The following THSD7B variants were observed in gnomAD, a reference collection of about 807,000 sequenced individuals.
THSD7B encodes the protein thrombospondin type-1 domain-containing protein 7B.
Under a neutral mutation model 213.6 loss-of-function variants are expected in THSD7B, and 138 were observed. The ratio of observed to expected loss-of-function variants is 0.65; its 90% CI spans 0.56 to 0.74. THSD7B has a LOEUF of 0.74. Ranked by LOEUF, THSD7B falls within the 30% of genes least tolerant of loss-of-function variation. The pLI is 0.00. For missense variants in THSD7B, 1,931 were observed against 1,991.5 expected (o/e 0.97, Z 0.58); for synonymous variants, 742 against 687.0 (o/e 1.08, Z -1.25).
In THSD7B at chr2:137,119,941, T is replaced by A. The variant is rs56145882; in HGVS notation, c.1369+4648T>A. Among the ~76,000 whole-genome samples the A allele has an allele frequency of 4.2e-3, 642 of 152,296 alleles. 3 individuals carry two copies. The highest frequency in any genetic ancestry group is 0.015 in the African/African-American group (616 of 41,576). Reference sequence around the variant, plus strand: ...ATCATTTGAAAGACTGGAAATATCTTTCACCTGTCTTTAGAAATTGGTTTT... The same window carrying A: ...ATCATTTGAAAGACTGGAAATATCTATCACCTGTCTTTAGAAATTGGTTTT... On this transcript the variant is annotated intron_variant, in intron 5 of 27. Transcript: ENST00000409968.
intron 12 of THSD7B, among the ~76,000 whole-genome samples, chr2:137,280,672 C>T (rs537940251): frequency 6.6e-6 from 1 of 152,250 alleles, no homozygotes; most frequent in South Asian, 2.1e-4. Flanking sequence ...CGTGTTCTTT[C>T]TGCCCAGAGT....
At chr2:136,963,308 T>C (rs1380282119) in intron 2 of THSD7B, among the ~76,000 whole-genome samples, 1 of 152,016 alleles carries the variant, frequency 6.6e-6, no homozygotes, top group Non-Finnish European at 1.5e-5. Flanking sequence ...AAGGCTCATT[T>C]TTTTCTCATA....
chr2:136,877,627 A>G (rs1368485821), intron 1 of THSD7B, among the ~76,000 whole-genome samples: 1 of 152,166 alleles, frequency 6.6e-6, no homozygotes, highest in African/African-American at 2.4e-5. Context: ...GACTCCTTGT[A>G]GAATAATTTT....
At position 137,617,812 on chromosome 2, in the gene THSD7B, G is replaced by C. The variant is rs186930409; in HGVS notation, c.3566-580G>C. On this transcript the variant is annotated intron_variant, in intron 18 of 27. Coordinates refer to ENST00000409968, the MANE Select transcript of THSD7B (RefSeq NM_001316349.2). Reference sequence around the variant, plus strand: ...AGGAGGGCCTGTATCTCTAGACAGTGCCTTCTAGCTACATCCTCAGAGGAT... The same window carrying C: ...AGGAGGGCCTGTATCTCTAGACAGTCCCTTCTAGCTACATCCTCAGAGGAT... 8.9e-4 allele frequency among the ~76,000 whole-genome samples: 136 copies of C among 152,168 alleles called. 3 individuals carry two copies. The highest frequency in any genetic ancestry group is 3.4e-3 in the Middle Eastern group (1 of 294).
chr2:137,366,784 A>T (rs1685418386), intron 12 of THSD7B, among the ~76,000 whole-genome samples: 1 of 152,184 alleles, frequency 6.6e-6, no homozygotes, highest in East Asian at 1.9e-4. Context: ...TAGACATTTT[A>T]GTAGATTCAC....
chr2:137,566,535 T>G (rs1443582732), intron 16 of THSD7B, among the ~76,000 whole-genome samples: 1 of 152,212 alleles, frequency 6.6e-6, no homozygotes, highest in East Asian at 1.9e-4. Flanking sequence ...GCCAGGGACT[T>G]GACCTGATTA....
chr2:137,505,929 C>A (rs1679824090), intron 15 of THSD7B, among the ~76,000 whole-genome samples: 1 of 152,122 alleles, frequency 6.6e-6, no homozygotes, highest in Non-Finnish European at 1.5e-5. Flanking sequence ...GGCATAGTGG[C>A]CAGCTTTAAT....
intron 25 of THSD7B, among the ~76,000 whole-genome samples, chr2:137,661,352 G>A (rs1050793826): frequency 1.3e-5 from 2 of 152,050 alleles, no homozygotes; most frequent in Non-Finnish European, 2.9e-5. Flanking sequence ...GATGTGGGGT[G>A]ACACTCGAGT....
At chr2:137,200,619 A>C (rs1680855754) in intron 7 of THSD7B, among the ~76,000 whole-genome samples, 1 of 152,014 alleles carries the variant, frequency 6.6e-6, no homozygotes, top group Non-Finnish European at 1.5e-5. Flanking sequence ...CTCCTGCCCC[A>C]TCCCAGTCAC....
intron 2 of THSD7B, among the ~76,000 whole-genome samples, chr2:137,003,363 G>A (rs1573760564): frequency 6.6e-6 from 1 of 152,280 alleles, no homozygotes; most frequent in Middle Eastern, 3.4e-3. Flanking sequence ...GAGGGAGAGA[G>A]GACACAGGTT....
chr2:136,835,514 A>G (rs1031233304), intron 1 of THSD7B, among the ~76,000 whole-genome samples: 7 of 152,212 alleles, frequency 4.6e-5, no homozygotes, highest in African/African-American at 1.7e-4. Context: ...CTCTGATTGT[A>G]ACATCTTTTG....
intron 2 of THSD7B, among the ~76,000 whole-genome samples, chr2:136,958,952 A>T (rs1685173072): frequency 6.6e-6 from 1 of 152,140 alleles, no homozygotes; most frequent in African/African-American, 2.4e-5. Context: ...ATTCAGACAG[A>T]CGCACCTCAG....
At chr2:136,990,085 G>C (rs1435960694) in intron 2 of THSD7B, among the ~76,000 whole-genome samples, 2 of 152,158 alleles carry the variant, frequency 1.3e-5, no homozygotes, top group Non-Finnish European at 2.9e-5. Context: ...AATGTTCTTA[G>C]AGAAAATATA....
At chr2:137,452,589 A>G (rs761190875) in intron 15 of THSD7B, among the ~76,000 whole-genome samples, 7 of 152,190 alleles carry the variant, frequency 4.6e-5, no homozygotes, top group African/African-American at 7.2e-5. Context: ...AAAACCGTCA[A>G]TGAAAGCTAA....
rs189733601 is a variant in THSD7B, at chr2:137,320,816, A to G, written c.2500+44790A>G. 1.3e-3 allele frequency among the ~76,000 whole-genome samples: 200 copies of G among 152,322 alleles called. 1 individual carries two copies. The highest frequency in any genetic ancestry group is 4.6e-3 in the African/African-American group (192 of 41,564). Reference sequence around the variant, plus strand: ...CCTTGAATGTCCTTCTTCTTCTTCGACTAATAACATCTGACTTATCCTCAA... The same window carrying G: ...CCTTGAATGTCCTTCTTCTTCTTCGGCTAATAACATCTGACTTATCCTCAA... On this transcript the variant is annotated intron_variant, in intron 12 of 27. Transcript: ENST00000409968.
intron 2 of THSD7B, among the ~76,000 whole-genome samples, chr2:136,922,225 A>AC (rs1320193800): frequency 1.4e-4 from 22 of 152,296 alleles, no homozygotes; most frequent in East Asian, 1.2e-3. Context: ...CACTGTCGCT[A>AC]CATTCTCCAA....
chr2:136,807,672 A>T (rs1682308798), intron 1 of THSD7B, among the ~76,000 whole-genome samples: 3 of 151,826 alleles, frequency 2.0e-5, no homozygotes, highest in Admixed American at 2.0e-4. Flanking sequence ...AGGCCTGGCT[A>T]ATTTTTTGTA....
At chr2:136,910,484 G>C (rs1429984) in intron 2 of THSD7B, among the ~76,000 whole-genome samples, 74,433 of 151,942 alleles carry the variant, frequency 0.49, 19,235 homozygotes, top group Non-Finnish European at 0.58. Context: ...TAAAAAATGT[G>C]TTGTTTTCTA....
intron 13 of THSD7B, among the ~76,000 whole-genome samples, chr2:137,406,733 A>C (rs924240117): frequency 1.3e-5 from 2 of 152,236 alleles, no homozygotes; most frequent in Non-Finnish European, 2.9e-5. Context: ...TTCTGCAAAC[A>C]AACTGGGAGT....
Sources: allele counts gnomAD v4.1 joint callset (sites outside exome capture counted in the v4.1 genomes callset), GRCh38; gene constraint gnomAD v4.1.1; transcripts MANE v1.5; gene names NCBI Gene and HGNC (gene_info 2026-07-23, HGNC 2026-07-21).